NAALADL2: variants seen among roughly 807,000 people sequenced by gnomAD.
NAALADL2 encodes the protein N-acetylated alpha-linked acidic dipeptidase like 2.
Under a neutral mutation model 87.2 loss-of-function variants are expected in NAALADL2, and 76 were observed. The observed-to-expected ratio is 0.87, with a 90% CI of 0.72 to 1.05. The LOEUF (loss-of-function observed/expected upper bound fraction) is 1.05. Ranked by LOEUF, NAALADL2 falls within the 50% of genes least tolerant of loss-of-function variation. The pLI, the probability that NAALADL2 is intolerant of heterozygous loss-of-function variation, is 0.00. For synonymous variants in NAALADL2, 354 were observed against 331.0 expected, an observed-to-expected ratio of 1.07 and a Z score of -0.75; for missense variants, 1,089 against 945.8, an observed-to-expected ratio of 1.15 and a Z score of -1.99.
intron 2 of NAALADL2, among the ~76,000 whole-genome samples, chr3:174,656,238 T>G (rs1724911095): frequency 6.6e-6 from 1 of 152,212 alleles, no homozygotes; most frequent in Non-Finnish European, 1.5e-5. Context: ...GAAGCTCTGT[T>G]ACATTCTGTT....
At chr3:174,962,577 TAAA>T (rs1319430745) in intron 1 of NAALADL2, among the ~76,000 whole-genome samples, 1 of 151,396 alleles carries the variant, frequency 6.6e-6, no homozygotes, top group Non-Finnish European at 1.5e-5. Flanking sequence ...GCACAAAAGT[TAAA>T]GAAAGGTGAA....
intron 13 of NAALADL2, among the ~76,000 whole-genome samples, chr3:175,779,873 C>T (rs1360440239): frequency 6.6e-6 from 1 of 152,048 alleles, no homozygotes; most frequent in Non-Finnish European, 1.5e-5. Flanking sequence ...GTCTTTTATT[C>T]TTACTGATTT....
intron 1 of NAALADL2, among the ~76,000 whole-genome samples, chr3:175,000,309 A>C (rs556054927): frequency 6.6e-6 from 1 of 152,274 alleles, no homozygotes; most frequent in African/African-American, 2.4e-5. Flanking sequence ...GCTCAGCCTG[A>C]ATAAACCATA....
At chr3:174,990,451 T>A (rs1746570550) in intron 1 of NAALADL2, among the ~76,000 whole-genome samples, 1 of 152,104 alleles carries the variant, frequency 6.6e-6, no homozygotes, top group Non-Finnish European at 1.5e-5. Flanking sequence ...ATTCAGAGAT[T>A]TCAGTTCCAA....
At chr3:175,008,772 A>G (rs1749392091) in intron 1 of NAALADL2, among the ~76,000 whole-genome samples, 1 of 135,112 alleles carries the variant, frequency 7.4e-6, no homozygotes, top group South Asian at 2.3e-4. Flanking sequence ...GAGGTAATCA[A>G]CCTTCTAGGA....
At chr3:175,334,509 T>G (rs1451766907) in intron 5 of NAALADL2, among the ~76,000 whole-genome samples, 2 of 152,214 alleles carry the variant, frequency 1.3e-5, no homozygotes, top group African/African-American at 4.8e-5. Context: ...ATCTTATTTA[T>G]TTATGGTTTG....
intron 9 of NAALADL2, among the ~76,000 whole-genome samples, chr3:175,481,785 T>A (rs1231115274): frequency 1.3e-5 from 2 of 151,950 alleles, no homozygotes; most frequent in African/African-American, 4.8e-5. Context: ...TATTGGCAGA[T>A]ACAGCATCAT....
chr3:174,769,107 A>T (rs936936197), intron 3 of NAALADL2, among the ~76,000 whole-genome samples: 3 of 152,012 alleles, frequency 2.0e-5, no homozygotes, highest in African/African-American at 7.2e-5. Flanking sequence ...GCACTGGAAG[A>T]TAATTTTTTA....
At chr3:174,855,980 G>GTATATATA (rs57039020), upstream of NAALADL2, among the ~76,000 whole-genome samples, 5 of 142,908 alleles carry the variant, frequency 3.5e-5, no homozygotes, top group African/African-American at 1.3e-4. Flanking sequence ...GTGTGTGTGT[G>GTATATATA]TATATATATA....
intron 1 of NAALADL2, among the ~76,000 whole-genome samples, chr3:174,998,241 A>G (rs142283793): frequency 1.7e-3 from 264 of 152,312 alleles, no homozygotes; most frequent in African/African-American, 4.2e-3. Flanking sequence ...TTATAATCTC[A>G]TTTTACCATT....
chr3:174,738,126 A>C (rs1381239972), intron 3 of NAALADL2, among the ~76,000 whole-genome samples: 1 of 152,148 alleles, frequency 6.6e-6, no homozygotes, highest in Non-Finnish European at 1.5e-5. Flanking sequence ...ACAACAATGC[A>C]GTTGGTGCCA....
intron 1 of NAALADL2, among the ~76,000 whole-genome samples, chr3:174,932,183 T>G (rs1187563283): frequency 1.3e-5 from 2 of 152,154 alleles, no homozygotes; most frequent in Non-Finnish European, 2.9e-5. Flanking sequence ...GTAGAGCATT[T>G]CATTGCTTTC....
chr3:174,820,390 C>G (rs1191603467), intron 3 of NAALADL2, among the ~76,000 whole-genome samples: 2 of 152,010 alleles, frequency 1.3e-5, no homozygotes, highest in African/African-American at 4.8e-5. Context: ...TATAAACACA[C>G]CACATATACT....
intron 12 of NAALADL2, among the ~76,000 whole-genome samples, chr3:175,743,788 A>G (rs1426043505): frequency 1.3e-5 from 2 of 152,224 alleles, no homozygotes; most frequent in African/African-American, 2.4e-5. Flanking sequence ...TCATAGAAAG[A>G]GTGCAGACAT....
At chr3:175,546,651 T>A (rs1255242826) in intron 9 of NAALADL2, among the ~76,000 whole-genome samples, 1 of 152,138 alleles carries the variant, frequency 6.6e-6, no homozygotes, top group Admixed American at 6.6e-5. Flanking sequence ...TGAAGCTTAG[T>A]TTGGCCAGAT....
chr3:174,571,828 G>A (rs781740765), intron 2 of NAALADL2, among the ~76,000 whole-genome samples: 16 of 152,206 alleles, frequency 1.1e-4, no homozygotes, highest in Non-Finnish European at 2.1e-4. Flanking sequence ...AAAAAAATAT[G>A]TCTGATTTGA....
chr3:175,065,377 T>G (rs1294421579), intron 1 of NAALADL2, among the ~76,000 whole-genome samples: 1 of 152,242 alleles, frequency 6.6e-6, no homozygotes, highest in Non-Finnish European at 1.5e-5. Flanking sequence ...TGCCTATTAT[T>G]AGATTCTTTC....
chr3:174,757,234 C>T (rs1012365066), intron 3 of NAALADL2, among the ~76,000 whole-genome samples: 3 of 152,092 alleles, frequency 2.0e-5, no homozygotes, highest in South Asian at 2.1e-4. Flanking sequence ...AGACAAAGCA[C>T]GTTTGTTCTG....
intron 5 of NAALADL2, among the ~76,000 whole-genome samples, chr3:175,398,200 T>A (rs1770061403): frequency 1.3e-5 from 2 of 151,986 alleles, no homozygotes; most frequent in African/African-American, 4.8e-5. Context: ...GCAAGTTAGA[T>A]TTCCTGGTGA....
Sources: allele counts gnomAD v4.1 joint callset (sites outside exome capture counted in the v4.1 genomes callset), GRCh38; gene constraint gnomAD v4.1.1; transcripts MANE v1.5; gene names NCBI Gene and HGNC (gene_info 2026-07-23, HGNC 2026-07-21).